The following SENP6 variants were observed in gnomAD, a reference collection of about 807,000 sequenced individuals.
SENP6 encodes the protein SUMO specific peptidase 6.
A neutral mutation model predicts 134.5 loss-of-function variants in SENP6; 41 were observed. That is an observed-to-expected ratio of 0.30 (90% CI 0.24 to 0.40). The LOEUF is 0.40. Among genes scored for constraint, SENP6 ranks in the 10% least tolerant of loss-of-function variants. The pLI is 1.00. For missense variants in SENP6, 1,248 were observed against 1,312.5 expected (o/e 0.95, Z 0.76); for synonymous variants, 395 against 429.8 (o/e 0.92, Z 1.00).
chr6:75,659,263 A>G lies in SENP6; in HGVS notation c.552A>G (p.Glu184=), dbSNP rs1243086485. ...PVRLSRLQGV[E]RIMKKTEESE... Reference sequence around the variant, plus strand: ...TTTATTTTTTTCTCCTTCCTTTAGAACGTATAATGAAGAAAACAGAAGAGT... The same window carrying G: ...TTTATTTTTTTCTCCTTCCTTTAGAGCGTATAATGAAGAAAACAGAAGAGT... The change falls in exon 8 of 24, where the codon GAA becomes GAG. Residue 184 remains glutamate (E), a splice_region_variant and synonymous_variant. Transcript: ENST00000447266. 1 of 1,592,112 alleles carries G rather than the reference A, an allele frequency of 6.3e-7. No homozygotes were observed. Among genetic ancestry groups the G allele is most frequent in the Non-Finnish European group, 8.5e-7 (1 of 1,173,738 alleles).
intron 1 of SENP6, among the ~76,000 whole-genome samples, chr6:75,603,702 A>G (rs1263221906): frequency 6.6e-6 from 1 of 152,208 alleles, no homozygotes; most frequent in Non-Finnish European, 1.5e-5. Flanking sequence ...CTTTGTTAAC[A>G]GCACCTCGAA....
intron 19 of SENP6, among the ~76,000 whole-genome samples, chr6:75,704,275 T>C (rs1203493608): frequency 6.6e-6 from 1 of 152,162 alleles, no homozygotes; most frequent in Non-Finnish European, 1.5e-5. Flanking sequence ...CTATTTTCAC[T>C]ATCTCAGCAA....
chr6:75,670,243 G>A (rs564417643), intron 10 of SENP6, among the ~76,000 whole-genome samples: 205 of 152,238 alleles, frequency 1.3e-3, no homozygotes, highest in African/African-American at 4.6e-3. Flanking sequence ...CACTGCTCCC[G>A]GCCAAGATCA....
rs1043694064 is a variant in SENP6 at position 75,602,364 on chromosome 6, T to C, written c.-161T>C. On this transcript the variant is annotated 5_prime_UTR_variant, in exon 1 of 24. Coordinates refer to ENST00000447266, the MANE Select transcript of SENP6 (RefSeq NM_015571.4). ...CCCGGGCGCGCCTGGCCTGCCTTTG[T>C]ATAGGCCCGTCTGAACGTGGGAGCG... 7 of 803,450 alleles carry C rather than the reference T, an allele frequency of 8.7e-6. No individual in the cohort carries two copies. The African/African-American group carries it at 1.0e-4, about 12-fold the overall frequency. The allele number at this position is 803,450 out of a possible 1,614,324, so 49.8% of individuals were successfully genotyped here. A position where few individuals can be genotyped will look rare whatever the true frequency, so the allele number is the denominator to read the frequency against.
chr6:75,633,760 A>T, intron 4 of SENP6, 34 bp downstream of exon 4: 1 of 1,550,038 alleles, frequency 6.5e-7, no homozygotes, highest in African/African-American at 1.4e-5. Flanking sequence ...CCTACAGAAA[A>T]GATAAAGGAA....
At chr6:75,703,577 A>G (rs975130112) in intron 19 of SENP6, among the ~76,000 whole-genome samples, 1 of 152,126 alleles carries the variant, frequency 6.6e-6, no homozygotes, top group Admixed American at 6.5e-5. Flanking sequence ...CCTGGGCAAC[A>G]TGGTAAAGCC....
intron 11 of SENP6, among the ~76,000 whole-genome samples, chr6:75,673,365 C>G (rs1358428469): frequency 1.4e-5 from 2 of 140,048 alleles, no homozygotes; most frequent in Non-Finnish European, 3.0e-5. Flanking sequence ...TGTTGTCAGC[C>G]CAGGCTGGAG....
chr6:75,623,762 CAA>C, intron 2 of SENP6, 136 bp from the exon 3 acceptor site: 1 of 611,824 alleles, frequency 1.6e-6, no homozygotes, highest in Non-Finnish European at 2.8e-6. Context: ...ATATGGCCTG[CAA>C]AGACTGTGGT....
At chr6:75,709,488 A>C in intron 19 of SENP6, 39 bp from the exon 20 acceptor site, 5 of 1,329,876 alleles carry the variant, frequency 3.8e-6, no homozygotes, top group African/African-American at 2.9e-5. Context: ...AGTGATAGAC[A>C]TGGCCTTTTT....
intron 10 of SENP6, among the ~76,000 whole-genome samples, chr6:75,670,190 G>A (rs146499090): frequency 2.3e-4 from 35 of 152,186 alleles, no homozygotes; most frequent in African/African-American, 7.7e-4. Context: ...CAGATGATCC[G>A]CCCATCTCGG....
intron 18 of SENP6, 88 bp from the exon 19 acceptor site, chr6:75,702,557 T>C (rs1775109280): frequency 8.0e-7 from 1 of 1,252,790 alleles, no homozygotes. Context: ...GCAAGAACTT[T>C]AGAAAAAAAC....
At chr6:75,606,792 A>G (rs6911510) in intron 1 of SENP6, among the ~76,000 whole-genome samples, 9 of 78,616 alleles carry the variant, frequency 1.1e-4, no homozygotes, top group Non-Finnish European at 2.9e-4. Context: ...ATCCAAAAAA[A>G]AAATCTGAAA....
chr6:75,714,128 C>T (rs560663182), intron 23 of SENP6, among the ~76,000 whole-genome samples: 1 of 152,130 alleles, frequency 6.6e-6, no homozygotes, highest in Non-Finnish European at 1.5e-5. Context: ...CCTCTTTTAG[C>T]CTCTTTTCTC....
intron 3 of SENP6, among the ~76,000 whole-genome samples, chr6:75,625,108 T>C (rs1768571260): frequency 1.5e-5 from 2 of 132,416 alleles, no homozygotes; most frequent in Non-Finnish European, 3.1e-5. Context: ...CGTGTGTGTG[T>C]GTCCTTTTTT....
At chr6:75,613,206 A>G (rs968917977) in intron 1 of SENP6, among the ~76,000 whole-genome samples, 4 of 152,216 alleles carry the variant, frequency 2.6e-5, no homozygotes, top group Middle Eastern at 6.8e-3. Flanking sequence ...TGGCTTTTAT[A>G]TTTTTAATGA....
intron 18 of SENP6, among the ~76,000 whole-genome samples, chr6:75,701,519 C>G (rs1403804967): frequency 6.6e-6 from 1 of 151,854 alleles, no homozygotes; most frequent in Admixed American, 6.6e-5. Flanking sequence ...TGATATTAAG[C>G]CTTTCCTATC....
intron 7 of SENP6, among the ~76,000 whole-genome samples, chr6:75,648,433 A>G (rs1770618857): frequency 6.6e-6 from 1 of 152,114 alleles, no homozygotes; most frequent in South Asian, 2.1e-4. Flanking sequence ...AATAGCTCTG[A>G]TGGCTCTTAC....
intron 1 of SENP6, chr6:75,612,080 A>G (rs1182812891): frequency 6.6e-6 from 1 of 152,288 alleles, no homozygotes; most frequent in Non-Finnish European, 1.5e-5. Flanking sequence ...AGGCTTAGCT[A>G]GGTGACTTTT....
chr6:75,641,925 G>C (rs116072876), intron 6 of SENP6, among the ~76,000 whole-genome samples: 1 of 151,802 alleles, frequency 6.6e-6, no homozygotes, highest in African/African-American at 2.4e-5. Flanking sequence ...AAAAAAAAAC[G>C]AGTCTATAGT....
Sources: gnomAD v4.1 joint callset for allele counts (sites outside exome capture counted in the v4.1 genomes callset) on GRCh38, gnomAD v4.1.1 for gene constraint, MANE v1.5 for transcripts, NCBI Gene and HGNC (gene_info 2026-07-23, HGNC 2026-07-21) for gene names.